SEMA6D: variants seen among roughly 807,000 people sequenced by gnomAD.
SEMA6D encodes semaphorin-6D.
In SEMA6D, 35 loss-of-function variants were observed where a neutral mutation model predicts 106.6. The observed-to-expected ratio is 0.33, with a 90% confidence interval of 0.25 to 0.44. The LOEUF is 0.44. SEMA6D is among the 20% of genes least tolerant of loss of function. SEMA6D has a pLI of 1.00. For synonymous variants in SEMA6D, 499 were observed against 487.7 expected (o/e 1.02, Z -0.31); for missense variants, 1,185 against 1,345.9 (o/e 0.88, Z 1.87).
At chr15:47,546,424 T>G (rs1328454342) in intron 3 of SEMA6D, among the ~76,000 whole-genome samples, 8 of 152,272 alleles carry the variant, frequency 5.3e-5, no homozygotes, top group East Asian at 1.9e-4. Context: ...TTATCTTGTC[T>G]GTCTAATTAA....
At chr15:47,667,220 G>T (rs1237338466) in intron 4 of SEMA6D, among the ~76,000 whole-genome samples, 1 of 152,172 alleles carries the variant, frequency 6.6e-6, no homozygotes, top group Admixed American at 6.5e-5. Context: ...TTCTGGAATG[G>T]TTTGTTATAA....
intron 1 of SEMA6D, among the ~76,000 whole-genome samples, chr15:47,300,149 G>A (rs2035964275): frequency 6.6e-6 from 1 of 152,172 alleles, no homozygotes; most frequent in South Asian, 2.1e-4. Context: ...TGCCTGGTGG[G>A]TGCCCTCCGC....
chr15:47,672,197 A>T (rs2078150633), intron 4 of SEMA6D, among the ~76,000 whole-genome samples: 1 of 152,180 alleles, frequency 6.6e-6, no homozygotes, highest in Non-Finnish European at 1.5e-5. Context: ...CAGTATTCAA[A>T]ACCAGGAAGC....
chr15:47,240,594 T>C (rs1401688085), intron 1 of SEMA6D, among the ~76,000 whole-genome samples: 1 of 152,174 alleles, frequency 6.6e-6, no homozygotes, highest in Non-Finnish European at 1.5e-5. Context: ...CATGGAATTT[T>C]TGCATCTTGA....
At chr15:47,277,256 C>G (rs2142390732) in intron 1 of SEMA6D, among the ~76,000 whole-genome samples, 1 of 152,232 alleles carries the variant, frequency 6.6e-6, no homozygotes, top group Admixed American at 6.6e-5. Flanking sequence ...GTTAACAAAG[C>G]AGTGGCAGAT....
chr15:47,578,948 C>A (rs2076206741), intron 3 of SEMA6D, among the ~76,000 whole-genome samples: 1 of 152,138 alleles, frequency 6.6e-6, no homozygotes, highest in African/African-American at 2.4e-5. Flanking sequence ...ACCTATCTTG[C>A]ATATGTGGAC....
At chr15:47,228,110 A>G (rs1219001270) in intron 1 of SEMA6D, among the ~76,000 whole-genome samples, 7 of 143,208 alleles carry the variant, frequency 4.9e-5, no homozygotes, top group East Asian at 4.6e-4. Flanking sequence ...TTTTATATAT[A>G]TAAGAATTCA....
At chr15:47,628,785 T>A (rs185955534) in intron 4 of SEMA6D, among the ~76,000 whole-genome samples, 7 of 152,230 alleles carry the variant, frequency 4.6e-5, no homozygotes, top group Admixed American at 4.6e-4. Flanking sequence ...GGCTTGAACA[T>A]TTAGTGTCAA....
At position 47,539,079 on chromosome 15, in the gene SEMA6D, C is replaced by T. The variant is rs376749686; in HGVS notation, c.-86-61786C>T. Among the ~76,000 whole-genome samples, 11 of 152,266 alleles carry T rather than the reference C, an allele frequency of 7.2e-5. No homozygotes were observed. The South Asian group carries it at 1.2e-3, about 17-fold the overall frequency. ...GGGAAATTGATAACCACGCCTTTCC[C>T]GGACAAGGTGTTAGAAAGCATATTG... is the stretch of plus-strand genomic sequence containing the variant. On this transcript the variant is annotated intron_variant, in intron 3 of 19. Coordinates refer to the SEMA6D transcript ENST00000558014.
chr15:47,685,948 A>G (rs2078458447), intron 4 of SEMA6D, among the ~76,000 whole-genome samples: 1 of 152,218 alleles, frequency 6.6e-6, no homozygotes, highest in Admixed American at 6.5e-5. Flanking sequence ...TAGGGAATGG[A>G]TGTGATTTCT....
chr15:47,209,290 A>T (rs1410410483), intron 1 of SEMA6D, among the ~76,000 whole-genome samples: 1 of 152,200 alleles, frequency 6.6e-6, no homozygotes, highest in Non-Finnish European at 1.5e-5. Flanking sequence ...GTGAATGTAC[A>T]CTGAATTACC....
chr15:47,619,230 G>T (rs1182869042), intron 4 of SEMA6D, among the ~76,000 whole-genome samples: 1 of 152,218 alleles, frequency 6.6e-6, no homozygotes, highest in Non-Finnish European at 1.5e-5. Flanking sequence ...CTCTCCTTTG[G>T]AGGGAATTAG....
At position 47,773,959 on chromosome 15, in the gene SEMA6D, T is replaced by A. The variant is rs914995548; in HGVS notation, c.*2174T>A. ...AGTTCAATCAGTATTTATGTTGAAA[T>A]TTCTAACATTAAATCTAGTCTCTAT... On this transcript the variant is annotated 3_prime_UTR_variant, in exon 19 of 19. Coordinates refer to ENST00000536845, the MANE Select transcript of SEMA6D (RefSeq NM_001358351.3). 1.3e-5 allele frequency: 2 copies of A among 152,638 alleles called. No individual in the cohort carries two copies. The highest frequency in any genetic ancestry group is 1.3e-4 in the Admixed American group (2 of 15,280). The allele number at this position is 152,638 out of a possible 1,614,324, so 9.5% of individuals were successfully genotyped here.
intron 1 of SEMA6D, among the ~76,000 whole-genome samples, chr15:47,324,099 G>A (rs1017628813): frequency 6.6e-6 from 1 of 151,648 alleles, no homozygotes; most frequent in African/African-American, 2.4e-5. Context: ...TTGGTTTACT[G>A]TAGTTTGGTT....
At chr15:47,627,187 G>A (rs2077217839) in intron 4 of SEMA6D, among the ~76,000 whole-genome samples, 1 of 152,126 alleles carries the variant, frequency 6.6e-6, no homozygotes, top group Admixed American at 6.6e-5. Flanking sequence ...GAAGTAGGAG[G>A]AGTGGGAGGA....
In SEMA6D at chr15:47,771,129, A is replaced by G. The variant is rs1350751833; in HGVS notation, c.2566A>G (p.Ile856Val). Residue 856 changes from isoleucine (I) to valine (V), a missense_variant, in exon 19 of 19, where the codon ATT (isoleucine) becomes GTT (valine). By Grantham distance (29) the Ile-to-Val change is conservative (BLOSUM62 3). Around this residue, in one of 3 missense-constraint regions of SEMA6D, gnomAD observed 750 missense variants for 783.5 expected, o/e 0.96. Transcript: ENST00000536845. ...AHKAEKKLQN[I>V]DHPLTKSSSK... Reference sequence around the variant, plus strand: ...CAAAGCTGAAAAGAAGCTTCAAAACATTGATCACCCTCTCACAAAGTCATC... The same window carrying G: ...CAAAGCTGAAAAGAAGCTTCAAAACGTTGATCACCCTCTCACAAAGTCATC... 5 of 1,613,996 alleles carry G rather than the reference A, an allele frequency of 3.1e-6. No individual in the cohort carries two copies. The highest frequency in any genetic ancestry group is 1.3e-5 in the African/African-American group (1 of 74,918).
chr15:47,257,982 A>T (rs1031574225), intron 1 of SEMA6D, among the ~76,000 whole-genome samples: 1 of 152,130 alleles, frequency 6.6e-6, no homozygotes, highest in Admixed American at 6.5e-5. Context: ...TTGATTAATC[A>T]TTTTATCATT....
chr15:47,574,522 A>G (rs1379308288), intron 3 of SEMA6D, among the ~76,000 whole-genome samples: 1 of 152,254 alleles, frequency 6.6e-6, no homozygotes, highest in African/African-American at 2.4e-5. Flanking sequence ...TTTCAAGGCT[A>G]GAGAACCCTC....
rs2045952765 is a variant in SEMA6D, at chr15:47,557,656, A to G, written c.-86-43209A>G. ...AAAGTTTAGTAGCTGTACACTTCAC[A>G]GAGAGTGTATTTGCTGGGTTTTGGT... is the stretch of plus-strand genomic sequence containing the variant. On this transcript the variant is annotated intron_variant, in intron 3 of 19. Coordinates refer to the SEMA6D transcript ENST00000558014. Among the ~76,000 whole-genome samples, 3 of 152,302 alleles carry G rather than the reference A, an allele frequency of 2.0e-5. 1 individual carries two copies. The South Asian group carries it at 6.2e-4, about 32-fold the overall frequency.
Sources: allele counts gnomAD v4.1 joint callset (sites outside exome capture counted in the v4.1 genomes callset), GRCh38; gene constraint gnomAD v4.1.1; regional missense constraint gnomAD v4.1.1; transcripts MANE v1.5; gene names NCBI Gene and HGNC (gene_info 2026-07-23, HGNC 2026-07-21).